Variants in SVIL observed in about 807,000 individuals in gnomAD.
SVIL encodes the protein supervillin.
SVIL carries 101 observed loss-of-function variants against 240.4 expected under a neutral mutation model. The observed-to-expected ratio is 0.42, with a 90% confidence interval of 0.36 to 0.50. SVIL has a LOEUF of 0.50. SVIL is among the 20% of genes least tolerant of loss of function. The pLI is 0.01. For synonymous variants in SVIL, 999 were observed against 1,100.0 expected (o/e 0.91, Z 1.82); for missense variants, 2,512 against 2,818.7 (o/e 0.89, Z 2.46).
intron 1 of SVIL, among the ~76,000 whole-genome samples, chr10:29,610,340 G>A (rs1007277482): frequency 6.6e-6 from 1 of 151,790 alleles, no homozygotes; most frequent in Non-Finnish European, 1.5e-5. Context: ...TAGGGCCACA[G>A]CATCTGTTCC....
chr10:29,677,500 C>A (rs971190588), intron 2 of SVIL, among the ~76,000 whole-genome samples: 2 of 152,184 alleles, frequency 1.3e-5, no homozygotes, highest in African/African-American at 4.8e-5. Flanking sequence ...CTTCAAACTC[C>A]TGGACTCCAT....
intron 1 of SVIL, among the ~76,000 whole-genome samples, chr10:29,609,601 T>C (rs960467474): frequency 1.1e-4 from 16 of 152,330 alleles, no homozygotes; most frequent in African/African-American, 3.4e-4. Context: ...TAACACCTAT[T>C]TGGGGACTCT....
chr10:29,510,393 T>C (rs115986230), intron 17 of SVIL, among the ~76,000 whole-genome samples: 3,855 of 151,964 alleles, frequency 0.025, 140 homozygotes, highest in South Asian at 0.096. Context: ...TTTTACAGGA[T>C]GGTGCTGACT....
At chr10:29,526,922 T>G in intron 13 of SVIL, 39 bp downstream of exon 13, 1 of 1,475,840 alleles carries the variant, frequency 6.8e-7, no homozygotes. Flanking sequence ...TTCGGCACCT[T>G]TGCACCGGGT....
In SVIL at chr10:29,480,713, C is replaced by T. The variant is rs1381237998; in HGVS notation, c.5201G>A (p.Arg1734His). The change falls in exon 29 of 38, where the codon CGT becomes CAT. Residue 1734 changes from arginine (R) to histidine (H), a missense_variant. Physicochemically the swap from Arg to His is conservative, Grantham distance 29. This residue lies in a region of SVIL where 797 missense variants were observed against 925.3 expected (regional missense o/e 0.86). Coordinates refer to ENST00000355867, the MANE Select transcript of SVIL (RefSeq NM_021738.3). ...GTGTCCTTCCACCAGGCCATAGCCA[C>T]GGCCGACGTTCACTCCGTCCAGGAT... Reference protein sequence around the residue: ...GTILDGVNVGRGYGLVEGHDR... With the variant: ...GTILDGVNVGHGYGLVEGHDR... 4.3e-6 allele frequency: 7 copies of T among 1,614,172 alleles called. No individual in the cohort carries two copies. The highest frequency in any genetic ancestry group is 2.2e-5 in the East Asian group (1 of 44,868).
chr10:29,673,492 T>C (rs1391704337), intron 2 of SVIL, among the ~76,000 whole-genome samples: 2 of 151,586 alleles, frequency 1.3e-5, no homozygotes, highest in Non-Finnish European at 2.9e-5. Flanking sequence ...TGACTCACAG[T>C]TCTGCATAGT....
intron 17 of SVIL, among the ~76,000 whole-genome samples, chr10:29,500,911 G>C (rs1212681152): frequency 6.6e-6 from 1 of 152,132 alleles, no homozygotes; most frequent in Non-Finnish European, 1.5e-5. Flanking sequence ...GATGGGGACA[G>C]TTCATTTTCT....
intron 2 of SVIL, among the ~76,000 whole-genome samples, chr10:29,682,333 G>T (rs1190301814): frequency 3.3e-5 from 5 of 152,152 alleles, no homozygotes; most frequent in African/African-American, 1.2e-4. Context: ...AGTCACAGAC[G>T]AAGAGACTCT....
At chr10:29,709,858 T>C (rs1589556876) in intron 1 of SVIL, among the ~76,000 whole-genome samples, 2 of 152,192 alleles carry the variant, frequency 1.3e-5, no homozygotes, top group East Asian at 3.9e-4. Flanking sequence ...AGCAGTTTTT[T>C]AAACACCAGA....
intron 1 of SVIL, among the ~76,000 whole-genome samples, chr10:29,586,735 C>T (rs898172510): frequency 2.0e-5 from 3 of 152,160 alleles, no homozygotes; most frequent in African/African-American, 7.2e-5. Flanking sequence ...ACTATGTCCT[C>T]TGCAGGGACA....
intron 2 of SVIL, among the ~76,000 whole-genome samples, chr10:29,661,106 G>A (rs1215555892): frequency 1.3e-5 from 2 of 151,574 alleles, no homozygotes; most frequent in Non-Finnish European, 2.9e-5. Context: ...GTCGGAGGTT[G>A]CAGTGAGCCG....
At chr10:29,463,397 A>T in intron 35 of SVIL, 95 bp downstream of exon 35, 1 of 1,446,432 alleles carries the variant, frequency 6.9e-7, no homozygotes, top group Non-Finnish European at 9.2e-7. Context: ...ATGCTGGCTG[A>T]CATGCACAGA....
intron 26 of SVIL, among the ~76,000 whole-genome samples, chr10:29,485,454 A>C (rs1947304933): frequency 6.6e-6 from 1 of 152,212 alleles, no homozygotes; most frequent in Admixed American, 6.5e-5. Flanking sequence ...TTAACTCTAA[A>C]CTAGGCTCAA....
intron 1 of SVIL, among the ~76,000 whole-genome samples, chr10:29,625,458 T>C (rs1248564122): frequency 4.0e-5 from 6 of 151,804 alleles, no homozygotes; most frequent in Non-Finnish European, 5.9e-5. Context: ...TATACATATA[T>C]ATATATTTTT....
chr10:29,535,880 C>A, intron 7 of SVIL, 109 bp downstream of exon 7: 1 of 1,090,546 alleles, frequency 9.2e-7, no homozygotes. Flanking sequence ...TTTTCAAGTG[C>A]ACTGGTATTA....
rs970337271 is a variant in SVIL, at chr10:29,696,642, C to A, written c.-399-9991G>T. Among the ~76,000 whole-genome samples the A allele has an allele frequency of 6.6e-5, 10 of 150,890 alleles. 1 individual carries two copies. Among genetic ancestry groups the A allele is most frequent in the Non-Finnish European group, 1.2e-4 (8 of 67,602 alleles). ...TGTGAGGAGCGCCTCGGCCCGGCCGCGACCCCGTTTGGGAGGTGAGGAGTG... is the reference window on the plus strand; with the variant it reads ...TGTGAGGAGCGCCTCGGCCCGGCCGAGACCCCGTTTGGGAGGTGAGGAGTG... On this transcript the variant is annotated intron_variant, in intron 1 of 35. Coordinates refer to the SVIL transcript ENST00000375400.
chr10:29,547,141 C>T (rs1019658460), intron 6 of SVIL, among the ~76,000 whole-genome samples: 2 of 152,070 alleles, frequency 1.3e-5, no homozygotes, highest in South Asian at 2.1e-4. Flanking sequence ...CAGAAAATGA[C>T]TTTCTGAAAG....
At chr10:29,518,858 AAAAC>A (rs1256534308) in intron 16 of SVIL, among the ~76,000 whole-genome samples, 4 of 152,292 alleles carry the variant, frequency 2.6e-5, no homozygotes, top group Middle Eastern at 3.4e-3. Flanking sequence ...TCCATCTCAA[AAAAC>A]AAACAAACAG....
chr10:29,656,158 C>T (rs1589460700), intron 3 of SVIL, among the ~76,000 whole-genome samples: 1 of 151,008 alleles, frequency 6.6e-6, no homozygotes, highest in Non-Finnish European at 1.5e-5. Flanking sequence ...TGTGAGCCAC[C>T]GTGCCTGGCC....
Sources: gnomAD v4.1 joint callset for allele counts (sites outside exome capture counted in the v4.1 genomes callset) on GRCh38, gnomAD v4.1.1 for gene constraint, gnomAD v4.1.1 regional missense constraint, MANE v1.5 for transcripts, NCBI Gene and HGNC (gene_info 2026-07-23, HGNC 2026-07-21) for gene names.